The following TP53I11 variants were observed in gnomAD, a reference collection of about 807,000 sequenced individuals.
The protein encoded by TP53I11 is tumor protein p53-inducible protein 11.
A neutral mutation model predicts 23.3 loss-of-function variants in TP53I11; 9 were observed. That is an observed-to-expected ratio of 0.39 (90% CI 0.23 to 0.67). The LOEUF (loss-of-function observed/expected upper bound fraction) is 0.67, where lower values mean the gene tolerates loss of function less well. TP53I11 is among the 30% of genes least tolerant of loss of function. The pLI is 0.48. For synonymous variants in TP53I11, 100 were observed against 106.1 expected, an observed-to-expected ratio of 0.94 and a Z score of 0.35; for missense variants, 170 against 255.2, an observed-to-expected ratio of 0.67 and a Z score of 2.27.
intron 1 of TP53I11, chr11:44,950,339 A>C (rs1862824030): frequency 6.6e-6 from 1 of 152,328 alleles, no homozygotes; most frequent in Admixed American, 6.5e-5. Flanking sequence ...GCAGTGGCCG[A>C]GGACGAAATA....
At position 44,936,834 on chromosome 11, in the gene TP53I11, G is replaced by T. The variant is rs532687323; in HGVS notation, c.303C>A (p.Thr101=). Residue 101 remains threonine, a synonymous_variant, in exon 5 of 7, where the codon ACC becomes ACA. Transcript: ENST00000525680. This position sits in a 1 kb window ranked among gnomAD's most constrained non-coding sequence, Gnocchi z 4.4. The part of the protein sequence containing the change: ...VFDGAQVTSK[T]PIRLYGGALL... ...GGGCACCGCCGTAGAGGCGGATGGG[G>T]GTCTTGCTGGTCACCTGGGCTCCAT... 4.8e-5 allele frequency: 77 copies of T among 1,608,488 alleles called. 1 individual carries two copies. The South Asian group carries it at 8.3e-4, about 17-fold the overall frequency.
At chr11:44,935,529 C>T in intron 6 of TP53I11, 32 bp downstream of exon 6, 1 of 1,603,256 alleles carries the variant, frequency 6.2e-7, no homozygotes, top group Middle Eastern at 1.7e-4. Flanking sequence ...AGCGGCCCAT[C>T]AGCCTCCCTC....
chr11:44,938,200 A>G lies in TP53I11; in HGVS notation c.129+7T>C, dbSNP rs1424194607. The stretch of plus-strand genomic sequence containing the variant: ...TGGGTGCCGGAGGCCCCTGCTCTGC[A>G]CCCCACCTTGGAGCGATGCACCTCC... On this transcript the variant is annotated splice_region_variant and intron_variant, in intron 2 of 6. Coordinates refer to ENST00000525680, the MANE Select transcript of TP53I11 (RefSeq NM_006034.5). 2 of 1,610,678 alleles carry G rather than the reference A, an allele frequency of 1.2e-6. No individual in the cohort carries two copies. Among genetic ancestry groups the G allele is most frequent in the African/African-American group, 1.3e-5 (1 of 74,822 alleles).
rs754323456 is a variant in TP53I11 at position 44,935,670 on chromosome 11, G to T, written c.335-8C>A. 3 of 1,591,466 alleles carry T rather than the reference G, an allele frequency of 1.9e-6. No individual in the cohort carries two copies. Among genetic ancestry groups the T allele is most frequent in the Non-Finnish European group, 2.6e-6 (3 of 1,161,416 alleles). ...ACATGATCAGGGAGATGCCTGGGGC[G>T]GGGGATGAAAAGGGGGCTGGGGGTG... On this transcript the variant is annotated splice_polypyrimidine_tract_variant and splice_region_variant and intron_variant, in intron 5 of 6. Transcript: ENST00000525680.
At position 44,934,722 on chromosome 11, in the gene TP53I11, C is replaced by T. The variant is rs1390636775; in HGVS notation, c.*162G>A. Reference sequence around the variant, plus strand: ...TGAAAGCCCAGGAGATCACAGCACACGGGGTGCCCAGGAGGAAAGGAAGGC... The same window carrying T: ...TGAAAGCCCAGGAGATCACAGCACATGGGGTGCCCAGGAGGAAAGGAAGGC... On this transcript the variant is annotated 3_prime_UTR_variant, in exon 7 of 7. Transcript: ENST00000525680. 2.2e-5 allele frequency: 21 copies of T among 941,362 alleles called. No homozygotes were observed. The highest frequency in any genetic ancestry group is 1.1e-4 in the Admixed American group (4 of 35,590). The allele number at this position is 941,362 out of a possible 1,614,324, so 58.3% of individuals were successfully genotyped here.
intron 1 of TP53I11, among the ~76,000 whole-genome samples, chr11:44,947,428 C>T (rs573453839): frequency 1.3e-5 from 2 of 152,298 alleles, no homozygotes; most frequent in South Asian, 4.1e-4. Context: ...GCCCCTCCCC[C>T]ACCCCGTGGC....
chr11:44,934,971 G>A lies in TP53I11; in HGVS notation c.483C>T (p.Ile161=). ...LAETGLMSLG[I]LLLLVSRLLF... ...GGAGGCGGCTGACCAGGAGCAGCAG[G>A]ATCCCCAGGGACATGAGGCCCGTCT... The change falls in exon 7 of 7, where the codon ATC becomes ATT. Residue 161 remains isoleucine, a synonymous_variant. Coordinates refer to ENST00000525680, the MANE Select transcript of TP53I11 (RefSeq NM_006034.5). 2 of 1,614,076 alleles carry A rather than the reference G, an allele frequency of 1.2e-6. No individual in the cohort carries two copies. Among genetic ancestry groups the A allele is most frequent in the South Asian group, 1.1e-5 (1 of 91,088 alleles).
chr11:44,947,584 G>A (rs957155480), intron 1 of TP53I11, among the ~76,000 whole-genome samples: 2 of 152,246 alleles, frequency 1.3e-5, no homozygotes, highest in African/African-American at 4.8e-5. Flanking sequence ...GGGGGAGGCA[G>A]GTGGAAGGGT....
chr11:44,946,694 G>C (rs1051501846), intron 1 of TP53I11, among the ~76,000 whole-genome samples: 9 of 152,206 alleles, frequency 5.9e-5, no homozygotes, highest in African/African-American at 2.2e-4. Flanking sequence ...TGAGTCACTG[G>C]GCTCGGAGAC....
chr11:44,938,249 G>A lies in TP53I11; in HGVS notation c.87C>T (p.Gly29=), dbSNP rs113834637. Residue 29 remains glycine, a synonymous_variant, in exon 2 of 7, where the codon GGC becomes GGT. Coordinates refer to ENST00000525680, the MANE Select transcript of TP53I11 (RefSeq NM_006034.5). ...CCCCGTCGTCATCCTCCCCGCCCAC[G>A]CCGAGGATCTTGCGGGTCTTCAGGC... ...VSRLKTRKIL[G]VGGEDDDGEV... 37 of 1,613,080 alleles carry A rather than the reference G, an allele frequency of 2.3e-5. No individual in the cohort carries two copies. In the African/African-American group the frequency reaches 2.7e-4, roughly 12 times the overall value.
At chr11:44,947,226 A>C in intron 1 of TP53I11, 3 of 430,062 alleles carry the variant, frequency 7.0e-6, no homozygotes, top group South Asian at 4.9e-5. Context: ...TGGGCAGAAC[A>C]TGAAGAATTC....
intron 1 of TP53I11, among the ~76,000 whole-genome samples, chr11:44,944,271 C>T (rs756428292): frequency 2.6e-5 from 4 of 152,152 alleles, no homozygotes; most frequent in Non-Finnish European, 5.9e-5. Flanking sequence ...TGGCATCACT[C>T]GCAGGGGAGT....
At chr11:44,949,546 C>G (rs921705120) in intron 1 of TP53I11, among the ~76,000 whole-genome samples, 1 of 152,170 alleles carries the variant, frequency 6.6e-6, no homozygotes, top group African/African-American at 2.4e-5. Flanking sequence ...GAAACCCACT[C>G]CCCCCGGGCT....
intron 3 of TP53I11, 54 bp downstream of exon 3, chr11:44,937,500 TC>T (rs1445599738): frequency 6.3e-7 from 1 of 1,598,082 alleles, no homozygotes; most frequent in Non-Finnish European, 8.6e-7. Context: ...TCTTATGCAT[TC>T]TGCCCCACCG....
In TP53I11 at chr11:44,934,940, C is replaced by CA. The variant is rs773515297; in HGVS notation, c.513dup (p.Val172CysfsTer84). 1 of 1,614,146 alleles carries CA rather than the reference C, an allele frequency of 6.2e-7. No individual in the cohort carries two copies. Among genetic ancestry groups the CA allele is most frequent in the Non-Finnish European group, 8.5e-7 (1 of 1,180,008 alleles). ...TAATAGTAGTAAATGCTGATGACGA[C>CA]AAAAAGGAGGCGGCTGACCAGGAGC... On this transcript the variant is annotated frameshift_variant, in exon 7 of 7. Transcript: ENST00000525680. LOFTEE classifies it high-confidence loss of function.
At chr11:44,939,837 A>G (rs1459327210) in intron 1 of TP53I11, among the ~76,000 whole-genome samples, 1 of 152,232 alleles carries the variant, frequency 6.6e-6, no homozygotes, top group Non-Finnish European at 1.5e-5. Context: ...CTCATCCACA[A>G]AAAGGAGTGG....
rs1362374899 is a variant in TP53I11 at position 44,950,425 on chromosome 11, G to C, written c.-32+252C>G. On this transcript the variant is annotated intron_variant, in intron 1 of 6. Transcript: ENST00000525680. ...GTCAGAGGGAGGGGCGGCGAGGGGA[G>C]AGCGCGCAGGGGAGACGGAAGGGGC... Among the ~76,000 whole-genome samples the C allele has an allele frequency of 3.9e-5, 6 of 152,282 alleles. No homozygotes were observed. The South Asian group carries it at 1.2e-3, about 32-fold the overall frequency.
At chr11:44,941,191 G>A (rs761397784) in intron 1 of TP53I11, 1 of 152,242 alleles carries the variant, frequency 6.6e-6, no homozygotes, top group Non-Finnish European at 1.5e-5. Context: ...CATGGGTGGT[G>A]GGACAGGCCC....
chr11:44,944,565 C>A (rs1037078106), intron 1 of TP53I11, among the ~76,000 whole-genome samples: 2 of 152,132 alleles, frequency 1.3e-5, no homozygotes, highest in Non-Finnish European at 2.9e-5. Context: ...TTTGGGGATA[C>A]AAGAGTCAGA....
Sources: gnomAD v4.1 joint callset for allele counts (sites outside exome capture counted in the v4.1 genomes callset) on GRCh38, gnomAD v4.1.1 for gene constraint, Gnocchi (gnomAD v3.1) non-coding constraint, MANE v1.5 for transcripts, NCBI Gene and HGNC (gene_info 2026-07-23, HGNC 2026-07-21) for gene names.